MAML2: variants seen among roughly 807,000 people sequenced by gnomAD.
MAML2 encodes mastermind like transcriptional coactivator 2, also known as mastermind-like protein 2.
MAML2 carries 22 observed loss-of-function variants against 96.1 expected under a neutral mutation model. That is an observed-to-expected ratio of 0.23 (90% CI 0.16 to 0.33). The LOEUF is 0.33. Ranked by LOEUF, MAML2 falls within the 10% of genes least tolerant of loss-of-function variation. MAML2 has a pLI of 1.00. For synonymous variants in MAML2, 561 were observed against 521.3 expected (o/e 1.08, Z -1.04); for missense variants, 1,367 against 1,392.4 (o/e 0.98, Z 0.29).
At chr11:96,036,262 T>C (rs756872224) in intron 2 of MAML2, among the ~76,000 whole-genome samples, 24 of 152,028 alleles carry the variant, frequency 1.6e-4, no homozygotes, top group Admixed American at 2.6e-4. Context: ...GGGTAAGATA[T>C]AGGTATAGGG....
chr11:96,135,035 C>T (rs1860605871), intron 1 of MAML2, among the ~76,000 whole-genome samples: 1 of 152,196 alleles, frequency 6.6e-6, no homozygotes, highest in African/African-American at 2.4e-5. Context: ...GAATGTGCCC[C>T]ACAAAGTTCA....
intron 2 of MAML2, among the ~76,000 whole-genome samples, chr11:96,070,903 A>G (rs1859335724): frequency 6.6e-6 from 1 of 152,256 alleles, no homozygotes; most frequent in African/African-American, 2.4e-5. Context: ...TCTCATGGGT[A>G]CTAACTACAA....
intron 1 of MAML2, among the ~76,000 whole-genome samples, chr11:96,126,914 T>G (rs997455748): frequency 1.4e-5 from 2 of 142,908 alleles, no homozygotes; most frequent in African/African-American, 5.3e-5. Context: ...ATGGGGGGGG[T>G]CAAATGGTAG....
At chr11:96,194,435 CTGTT>C (rs1301460088) in intron 1 of MAML2, among the ~76,000 whole-genome samples, 1 of 152,206 alleles carries the variant, frequency 6.6e-6, no homozygotes, top group Non-Finnish European at 1.5e-5. Flanking sequence ...ACTCTCTCCT[CTGTT>C]TGAATCTGCT....
Position 96,257,386 on chromosome 11 carries a change from A to G in MAML2, c.513+83997T>C, listed in dbSNP as rs375443447. ...GGAATCTTGTGACTCCAATTTTTCA[A>G]TACTGAGCACAGTGCTGGCACAGAA... On this transcript the variant is annotated intron_variant, in intron 1 of 4. Transcript: ENST00000524717. Among the ~76,000 whole-genome samples the G allele has an allele frequency of 4.6e-5, 7 of 152,364 alleles. No homozygotes were observed. The East Asian group carries it at 1.3e-3, about 29-fold the overall frequency.
intron 2 of MAML2, among the ~76,000 whole-genome samples, chr11:96,022,226 G>A (rs1391674295): frequency 2.0e-5 from 3 of 152,200 alleles, no homozygotes; most frequent in Non-Finnish European, 2.9e-5. Flanking sequence ...GTTATCTGGT[G>A]CTGTATTCTG....
At chr11:96,132,206 G>GA (rs763247440) in intron 1 of MAML2, among the ~76,000 whole-genome samples, 5 of 152,100 alleles carry the variant, frequency 3.3e-5, no homozygotes, top group Non-Finnish European at 7.4e-5. Flanking sequence ...AGGAAATTAG[G>GA]AAAAAATGAA....
At chr11:96,023,411 C>T (rs1021715276) in intron 2 of MAML2, among the ~76,000 whole-genome samples, 16 of 152,180 alleles carry the variant, frequency 1.1e-4, no homozygotes, top group African/African-American at 3.6e-4. Context: ...AGCCTTACCG[C>T]CTCGCTTTTC....
At chr11:96,021,340 T>C (rs991927298) in intron 2 of MAML2, among the ~76,000 whole-genome samples, 2 of 152,356 alleles carry the variant, frequency 1.3e-5, no homozygotes, top group Admixed American at 6.5e-5. Context: ...AAAATCGATA[T>C]ATTTCAGGTT....
chr11:95,986,647 A>C (rs1857833951), intron 3 of MAML2, among the ~76,000 whole-genome samples: 1 of 152,114 alleles, frequency 6.6e-6, no homozygotes, highest in Non-Finnish European at 1.5e-5. Flanking sequence ...GATTATTTCC[A>C]CCTAAAAAAT....
chr11:96,207,248 T>G (rs768878667), intron 1 of MAML2, among the ~76,000 whole-genome samples: 12 of 152,230 alleles, frequency 7.9e-5, no homozygotes, highest in Non-Finnish European at 1.0e-4. Flanking sequence ...GCAAAGGATG[T>G]CATTTTAATT....
chr11:96,117,038 C>A (rs1455630711), intron 1 of MAML2, among the ~76,000 whole-genome samples: 2 of 152,092 alleles, frequency 1.3e-5, no homozygotes, highest in African/African-American at 4.8e-5. Flanking sequence ...AGGTAAATCC[C>A]AGTATTTTTC....
chr11:96,100,072 A>C (rs772677265), intron 1 of MAML2, among the ~76,000 whole-genome samples: 2 of 152,174 alleles, frequency 1.3e-5, no homozygotes. Flanking sequence ...TGATGGACAC[A>C]AAGTGTTGTT....
chr11:96,158,617 T>A (rs1433923703), intron 1 of MAML2, among the ~76,000 whole-genome samples: 2 of 152,224 alleles, frequency 1.3e-5, no homozygotes, highest in South Asian at 2.1e-4. Flanking sequence ...AAGTCTATTG[T>A]TTAATTTCAC....
At chr11:96,016,961 A>G (rs1858363505) in intron 2 of MAML2, among the ~76,000 whole-genome samples, 1 of 152,210 alleles carries the variant, frequency 6.6e-6, no homozygotes, top group Admixed American at 6.5e-5. Flanking sequence ...TGGAAACTAT[A>G]TAAAATGTAA....
At chr11:96,273,732 A>G (rs967858765) in intron 1 of MAML2, among the ~76,000 whole-genome samples, 1 of 152,174 alleles carries the variant, frequency 6.6e-6, no homozygotes, top group Non-Finnish European at 1.5e-5. Flanking sequence ...GATACTCCCT[A>G]AATTATTGAG....
At chr11:96,130,390 C>T (rs1171749664) in intron 1 of MAML2, among the ~76,000 whole-genome samples, 5 of 152,198 alleles carry the variant, frequency 3.3e-5, no homozygotes, top group African/African-American at 1.2e-4. Flanking sequence ...GCTTTCTCTA[C>T]CTCCTGTCTC....
intron 2 of MAML2, among the ~76,000 whole-genome samples, chr11:96,046,865 C>T (rs1335920837): frequency 6.6e-6 from 1 of 152,180 alleles, no homozygotes; most frequent in Non-Finnish European, 1.5e-5. Context: ...TTGACAGAGG[C>T]TTTCCTTCAG....
chr11:96,146,709 A>T (rs1860827996), intron 1 of MAML2, among the ~76,000 whole-genome samples: 2 of 152,234 alleles, frequency 1.3e-5, no homozygotes, highest in Admixed American at 6.5e-5. Flanking sequence ...ATGGACTCTG[A>T]ATACAGCAGT....
Sources: gnomAD v4.1 joint callset for allele counts (sites outside exome capture counted in the v4.1 genomes callset) on GRCh38, gnomAD v4.1.1 for gene constraint, MANE v1.5 for transcripts, NCBI Gene and HGNC (gene_info 2026-07-23, HGNC 2026-07-21) for gene names.